Variants in SPATA6L observed in about 807,000 individuals in gnomAD.
SPATA6L encodes spermatogenesis associated 6-like protein.
SPATA6L carries 68 observed loss-of-function variants against 49.2 expected under a neutral mutation model. The ratio of observed to expected loss-of-function variants is 1.38; its 90% CI spans 1.14 to 1.69. SPATA6L has a LOEUF of 1.69. SPATA6L is among the 40% of genes most tolerant of loss of function. The pLI, the probability that SPATA6L is intolerant of heterozygous loss-of-function variation, is 0.00. For synonymous variants in SPATA6L, 198 were observed against 165.7 expected, an observed-to-expected ratio of 1.19 and a Z score of -1.50; for missense variants, 668 against 464.3, an observed-to-expected ratio of 1.44 and a Z score of -4.03.
rs751297429 is a variant in SPATA6L, at chr9:4,662,375, G to A, written c.40-339C>T. The A allele has an allele frequency of 6.6e-7, 1 of 1,510,596 alleles. No homozygotes were observed. The highest frequency in any genetic ancestry group is 2.2e-5 in the Admixed American group (1 of 46,100). The allele number at this position is 1,510,596 out of a possible 1,614,324, so 93.6% of individuals were successfully genotyped here. ...TCCCGGGATCCGGGCCGCCAGCTGC[G>A]ATGCCAAGTCCCCGGAGGAGCATGG... On this transcript the variant is annotated intron_variant, in intron 1 of 11. Coordinates refer to ENST00000682582, the MANE Select transcript of SPATA6L (RefSeq NM_001353486.2). The surrounding 1 kb of genome is among the most constrained non-coding windows in gnomAD (Gnocchi z 4.9).
Position 4,620,845 on chromosome 9 carries a change from T to C in SPATA6L, c.772+1563A>G, listed in dbSNP as rs1043993751. Among the ~76,000 whole-genome samples, 12 of 152,228 alleles carry C rather than the reference T, an allele frequency of 7.9e-5. No individual in the cohort carries two copies. The East Asian group carries it at 1.2e-3, about 15-fold the overall frequency. On this transcript the variant is annotated intron_variant, in intron 7 of 11. Coordinates refer to ENST00000682582, the MANE Select transcript of SPATA6L (RefSeq NM_001353486.2). ...GTCCTCCCCAGGAAAGGACATTTGCTGTTGCCTGATTTCACTGCAGTAGGA... is the reference window on the plus strand; with the variant it reads ...GTCCTCCCCAGGAAAGGACATTTGCCGTTGCCTGATTTCACTGCAGTAGGA...
At chr9:4,595,317 G>C (rs1309803474), downstream of SPATA6L, among the ~76,000 whole-genome samples, 1 of 152,072 alleles carries the variant, frequency 6.6e-6, no homozygotes, top group Non-Finnish European at 1.5e-5. Context: ...TGTCTAATCA[G>C]CCCTTCTCTT....
chr9:4,658,763 G>A (rs1253854556), intron 2 of SPATA6L, among the ~76,000 whole-genome samples: 1 of 152,014 alleles, frequency 6.6e-6, no homozygotes, highest in African/African-American at 2.4e-5. Context: ...AGGCCAAGGC[G>A]GGCAGATCAT....
chr9:4,618,266 G>A (rs1391125756), intron 8 of SPATA6L, among the ~76,000 whole-genome samples, 156 bp from the exon 9 acceptor site: 3 of 151,952 alleles, frequency 2.0e-5, no homozygotes, highest in Non-Finnish European at 4.4e-5. Flanking sequence ...CTGGAGAAGA[G>A]AAGACTAGTG....
At chr9:4,657,287 G>A (rs1249503315) in intron 2 of SPATA6L, among the ~76,000 whole-genome samples, 3 of 152,088 alleles carry the variant, frequency 2.0e-5, no homozygotes, top group African/African-American at 7.2e-5. Context: ...TGGGTAAGTG[G>A]GGTTTTTTTG....
At chr9:4,612,636 T>C (rs1238122654) in intron 9 of SPATA6L, among the ~76,000 whole-genome samples, 3 of 152,224 alleles carry the variant, frequency 2.0e-5, no homozygotes, top group Non-Finnish European at 4.4e-5. Context: ...CATTTTGTCA[T>C]TATTTGGTTA....
At chr9:4,598,233 A>G (rs1822469974), downstream of SPATA6L, among the ~76,000 whole-genome samples, 2 of 152,200 alleles carry the variant, frequency 1.3e-5, no homozygotes, top group South Asian at 2.1e-4. Flanking sequence ...AAACATGCCC[A>G]TAAAATATGC....
At position 4,618,011 on chromosome 9, in the gene SPATA6L, C is replaced by A. The variant is rs1451817195; in HGVS notation, c.907G>T (p.Asp303Tyr). The A allele has an allele frequency of 9.3e-6, 15 of 1,613,930 alleles. No homozygotes were observed. The highest frequency in any genetic ancestry group is 1.3e-5 in the Non-Finnish European group (15 of 1,180,010). ...FGKSSSSKQG[D>Y]ADFHGKASFA... is the part of the protein sequence containing the mutation. ...GAAGCTTTCCCGTGGAAATCAGCAT[C>A]CCCTTGTTTACTGGATGAAGACTTT... The change falls in exon 9 of 12, where the codon GAT becomes TAT. Residue 303 changes from aspartate to tyrosine, a missense_variant. Asp to Tyr is a radical substitution (Grantham distance 160, BLOSUM62 -3). Transcript: ENST00000682582.
At position 4,599,437 on chromosome 9, in the gene SPATA6L, G is replaced by A. The variant is rs1325343877; in HGVS notation, c.*1374C>T. On this transcript the variant is annotated 3_prime_UTR_variant, in exon 12 of 12. Coordinates refer to ENST00000682582, the MANE Select transcript of SPATA6L (RefSeq NM_001353486.2). Reference sequence around the variant, plus strand: ...TAATGAACCAATCCCTATGATTACAGTGAGAAAAGAAAACTTGGCTCTCAC... The same window carrying A: ...TAATGAACCAATCCCTATGATTACAATGAGAAAAGAAAACTTGGCTCTCAC... Among the ~76,000 whole-genome samples, 1 of 152,104 alleles carries A rather than the reference G, an allele frequency of 6.6e-6. No individual in the cohort carries two copies. Among genetic ancestry groups the A allele is most frequent in the Non-Finnish European group, 1.5e-5 (1 of 68,016 alleles).
intron 3 of SPATA6L, among the ~76,000 whole-genome samples, chr9:4,648,545 A>C (rs1194981268): frequency 6.6e-6 from 1 of 151,660 alleles, no homozygotes; most frequent in Non-Finnish European, 1.5e-5. Context: ...CTAAAAATAC[A>C]AAAAATTAGC....
At chr9:4,626,827 G>C (rs12348812) in intron 5 of SPATA6L, 1 of 209,258 alleles carries the variant, frequency 4.8e-6, no homozygotes, top group Admixed American at 5.2e-5. Flanking sequence ...AAGAGTACCT[G>C]AGGACATGAG....
chr9:4,646,739 G>A (rs1835467601), intron 3 of SPATA6L, among the ~76,000 whole-genome samples: 1 of 152,088 alleles, frequency 6.6e-6, no homozygotes, highest in Non-Finnish European at 1.5e-5. Context: ...ATAAAAAATA[G>A]CATTTCACTA....
At chr9:4,610,681 A>C (rs1587014672) in intron 9 of SPATA6L, among the ~76,000 whole-genome samples, 1 of 152,224 alleles carries the variant, frequency 6.6e-6, no homozygotes, top group Non-Finnish European at 1.5e-5. Flanking sequence ...TTAGACCTAA[A>C]ACCATAAAAA....
rs184185559 is a variant in SPATA6L at position 4,638,460 on chromosome 9, G to A, written c.227-3061C>T. Among the ~76,000 whole-genome samples, 733 of 152,298 alleles carry A rather than the reference G, an allele frequency of 4.8e-3. 5 individuals are homozygous for A. Among genetic ancestry groups the A allele is most frequent in the African/African-American group, 0.017 (700 of 41,558 alleles). On this transcript the variant is annotated intron_variant, in intron 3 of 11. Transcript: ENST00000682582. ...ACTCCTGACCTCAGGTGGTCCGCCT[G>A]CCTCAGCCTCCCGAAGTGCTGGGAT...
chr9:4,636,876 C>T (rs988536421), intron 3 of SPATA6L, among the ~76,000 whole-genome samples: 5 of 152,154 alleles, frequency 3.3e-5, no homozygotes, highest in African/African-American at 1.2e-4. Flanking sequence ...TTGATGTTCC[C>T]TCCTCAGCAA....
At chr9:4,606,245 C>T (rs541445874) in intron 9 of SPATA6L, among the ~76,000 whole-genome samples, 2 of 143,462 alleles carry the variant, frequency 1.4e-5, no homozygotes, top group East Asian at 2.2e-4. Flanking sequence ...ATTGCCCAGG[C>T]TTGCTGAGGT....
chr9:4,648,528 G>T lies in SPATA6L; in HGVS notation c.226+7513C>A, dbSNP rs1315220521. Among the ~76,000 whole-genome samples, 5 of 151,734 alleles carry T rather than the reference G, an allele frequency of 3.3e-5. No homozygotes were observed. In the East Asian group the frequency reaches 9.7e-4, roughly 30 times the overall value. ...TCCTGGTCTAACTCGGTGAAACCCC[G>T]TCTCTACTAAAAATACAAAAAATTA... On this transcript the variant is annotated intron_variant, in intron 3 of 11. Transcript: ENST00000682582.
At chr9:4,652,293 A>T (rs919268445) in intron 3 of SPATA6L, among the ~76,000 whole-genome samples, 1 of 152,028 alleles carries the variant, frequency 6.6e-6, no homozygotes, top group Non-Finnish European at 1.5e-5. Context: ...GTGGTGGTGC[A>T]TGCCTGTAAT....
chr9:4,589,295 G>T (rs186094039), intron 13 of SPATA6L, among the ~76,000 whole-genome samples: 1 of 152,246 alleles, frequency 6.6e-6, no homozygotes, highest in Non-Finnish European at 1.5e-5. Flanking sequence ...CCCTGCTTCT[G>T]GGAAAAAACT....
Sources: gnomAD v4.1 joint callset for allele counts (sites outside exome capture counted in the v4.1 genomes callset) on GRCh38, gnomAD v4.1.1 for gene constraint, Gnocchi (gnomAD v3.1) non-coding constraint, MANE v1.5 for transcripts, NCBI Gene and HGNC (gene_info 2026-07-23, HGNC 2026-07-21) for gene names.